Variants in CENPO observed in about 807,000 individuals in gnomAD.
CENPO encodes centromere protein O.
In CENPO, 30 loss-of-function variants were observed where a neutral mutation model predicts 36.1. The observed-to-expected ratio is 0.83, with a 90% CI of 0.62 to 1.13. The LOEUF (loss-of-function observed/expected upper bound fraction) is 1.13, where lower values mean the gene tolerates loss of function less well. Among genes scored for constraint, CENPO ranks in the 50% most tolerant of loss-of-function variants. The pLI is 0.00. For synonymous variants in CENPO, 171 were observed against 142.3 expected (o/e 1.20, Z -1.44); for missense variants, 349 against 357.8 (o/e 0.98, Z 0.20).
chr2:24,814,036 AC>A (rs1558379801), intron 3 of CENPO, among the ~76,000 whole-genome samples: 1 of 152,192 alleles, frequency 6.6e-6, no homozygotes, highest in Non-Finnish European at 1.5e-5. Context: ...AGCACAACTT[AC>A]CCAGCCTTGC....
intron 3 of CENPO, among the ~76,000 whole-genome samples, chr2:24,803,500 A>G (rs112527265): frequency 0.13 from 19,874 of 151,958 alleles, 1,370 homozygotes; most frequent in East Asian, 0.21. Flanking sequence ...ACTGCTTTGA[A>G]TGTGTCCCAA....
chr2:24,816,916 C>CT, intron 6 of CENPO, 99 bp downstream of exon 6: 1 of 1,174,756 alleles, frequency 8.5e-7, no homozygotes, highest in South Asian at 1.6e-5. Context: ...TCTTGAGACA[C>CT]TTTCTCTGTT....
chr2:24,817,766 C>T lies in CENPO; in HGVS notation c.863C>T (p.Thr288Ile), dbSNP rs1667026924. 5.0e-6 allele frequency: 8 copies of T among 1,614,044 alleles called. No individual in the cohort carries two copies. Among genetic ancestry groups the T allele is most frequent in the African/African-American group, 4.0e-5 (3 of 74,908 alleles). ...TTGCATCAAGTGTTTGCCTCATTTA[C>T]AAGAAAAGGAGAAAAGTTGGATATG... is the stretch of plus-strand genomic sequence containing the variant. ...KPLHQVFASF[T>I]RKGEKLDMSL... Residue 288 changes from threonine to isoleucine, a missense_variant, in exon 7 of 8, where the codon ACA becomes ATA. Transcript: ENST00000380834.
In CENPO at chr2:24,793,485, T is replaced by C; in HGVS notation, c.-85T>C. 1 of 1,602,496 alleles carries C rather than the reference T, an allele frequency of 6.2e-7. No homozygotes were observed. Among genetic ancestry groups the C allele is most frequent in the Non-Finnish European group, 8.5e-7 (1 of 1,174,178 alleles). ...TTTTGAAGACGTGGATGGCGGGAAT[T>C]CTCGCTTCTGGCCTGGGTGAGCTAG... On this transcript the variant is annotated 5_prime_UTR_variant, in exon 1 of 8. Coordinates refer to ENST00000380834, the MANE Select transcript of CENPO (RefSeq NM_001322101.2).
intron 3 of CENPO, 45 bp from the exon 4 acceptor site, chr2:24,814,331 A>G: frequency 1.1e-6 from 1 of 914,968 alleles, no homozygotes; most frequent in Non-Finnish European, 1.8e-6. Flanking sequence ...GGGATGTTGT[A>G]GTGTACCTCT....
chr2:24,816,628 G>A lies in CENPO; in HGVS notation c.595-18G>A, dbSNP rs1437775701. Reference sequence around the variant, plus strand: ...CTGCAGTCATCCTCTACTTCGTTTTGTTCCTCACCCCTCTTAGAGTGACTT... The same window carrying A: ...CTGCAGTCATCCTCTACTTCGTTTTATTCCTCACCCCTCTTAGAGTGACTT... On this transcript the variant is annotated intron_variant, in intron 5 of 7. Transcript: ENST00000380834. 4 of 1,573,350 alleles carry A rather than the reference G, an allele frequency of 2.5e-6. No homozygotes were observed. The highest frequency in any genetic ancestry group is 3.4e-6 in the Non-Finnish European group (4 of 1,161,478).
chr2:24,820,675 T>C lies in CENPO; in HGVS notation c.*1357T>C. On this transcript the variant is annotated 3_prime_UTR_variant, in exon 8 of 8. Coordinates refer to ENST00000380834, the MANE Select transcript of CENPO (RefSeq NM_001322101.2). ...ACGTGGGAAAGCACTGTTCCGGTTT[T>C]GTTCTCATGCCGAGTCTGAGCACGT... 6.2e-7 allele frequency: 1 copy of C among 1,610,608 alleles called. No individual in the cohort carries two copies. Among genetic ancestry groups the C allele is most frequent in the East Asian group, 2.2e-5 (1 of 44,830 alleles).
At chr2:24,805,112 T>A (rs1399765440) in intron 3 of CENPO, among the ~76,000 whole-genome samples, 1 of 152,178 alleles carries the variant, frequency 6.6e-6, no homozygotes, top group Admixed American at 6.5e-5. Flanking sequence ...TTCCAGTTGA[T>A]CGAATCGGCT....
At position 24,821,466 on chromosome 2, in the gene CENPO, C is replaced by T. The variant is rs746291134; in HGVS notation, c.*2148C>T. The T allele has an allele frequency of 6.2e-7, 1 of 1,603,796 alleles. No homozygotes were observed. The highest frequency in any genetic ancestry group is 8.5e-7 in the Non-Finnish European group (1 of 1,173,958). ...GTCTCTCCTGGTGGTGGGCCAGGCCCCTGCATGGGAAGGGAGCCTGCTGCG... is the reference window on the plus strand; with the variant it reads ...GTCTCTCCTGGTGGTGGGCCAGGCCTCTGCATGGGAAGGGAGCCTGCTGCG... On this transcript the variant is annotated 3_prime_UTR_variant, in exon 8 of 8. Transcript: ENST00000380834.
chr2:24,817,218 C>T lies in CENPO; in HGVS notation c.766+401C>T, dbSNP rs1269854723. Among the ~76,000 whole-genome samples the T allele has an allele frequency of 2.6e-5, 4 of 152,158 alleles. No individual in the cohort carries two copies. In the South Asian group the frequency reaches 8.3e-4, roughly 31 times the overall value. On this transcript the variant is annotated intron_variant, in intron 6 of 7. Transcript: ENST00000380834. ...GACACGTCAGCACACACTTACTCCT[C>T]CCTACGGAGCAGTCTCTAAATGGAA... is the stretch of plus-strand genomic sequence containing the variant.
intron 3 of CENPO, among the ~76,000 whole-genome samples, chr2:24,800,280 A>G (rs1666103729): frequency 6.6e-6 from 1 of 152,258 alleles, no homozygotes; most frequent in Admixed American, 6.5e-5. Flanking sequence ...CTCCGTCTCA[A>G]AAAAACAAAA....
chr2:24,796,815 A>G (rs769357650), intron 2 of CENPO, among the ~76,000 whole-genome samples: 14 of 151,806 alleles, frequency 9.2e-5, no homozygotes, highest in Non-Finnish European at 1.6e-4. Flanking sequence ...GTGAAGGTGG[A>G]TAAGGGGCGG....
intron 3 of CENPO, among the ~76,000 whole-genome samples, chr2:24,801,354 G>A (rs915735697): frequency 6.6e-6 from 1 of 152,050 alleles, no homozygotes. Flanking sequence ...TGTCAATTTT[G>A]GCTTTTGTTG....
At chr2:24,801,288 T>G (rs1382892702) in intron 3 of CENPO, among the ~76,000 whole-genome samples, 1 of 152,240 alleles carries the variant, frequency 6.6e-6, no homozygotes, top group Non-Finnish European at 1.5e-5. Flanking sequence ...GCCTGTTCAC[T>G]CTGATGGTAG....
rs1665766349 is a variant in CENPO, at chr2:24,794,028, G to A, written c.46+63G>A. 3 of 1,302,384 alleles carry A rather than the reference G, an allele frequency of 2.3e-6. No individual in the cohort carries two copies. The Admixed American group carries it at 5.0e-5, about 22-fold the overall frequency. The allele number at this position is 1,302,384 out of a possible 1,614,324, so 80.7% of individuals were successfully genotyped here. On this transcript the variant is annotated intron_variant, in intron 2 of 7. Transcript: ENST00000380834. Reference sequence around the variant, plus strand: ...CAAAGATGACCCGCAGGCTGAGAGAGCCCTTTCCTCCTGGAACTGACGTGG... The same window carrying A: ...CAAAGATGACCCGCAGGCTGAGAGAACCCTTTCCTCCTGGAACTGACGTGG...
intron 3 of CENPO, among the ~76,000 whole-genome samples, chr2:24,800,840 C>G (rs1371974238): frequency 6.6e-6 from 1 of 151,994 alleles, no homozygotes; most frequent in East Asian, 1.9e-4. Flanking sequence ...GGATATATAC[C>G]CAGTAATGGG....
intron 3 of CENPO, among the ~76,000 whole-genome samples, chr2:24,812,397 A>AT (rs898083813): frequency 3.1e-4 from 46 of 146,378 alleles, no homozygotes; most frequent in South Asian, 8.6e-4. Context: ...GCTAAGCATG[A>AT]TTTTTTTTTT....
Position 24,820,342 on chromosome 2 carries a change from C to T in CENPO, c.*1024C>T. 7.5e-7 allele frequency: 1 copy of T among 1,337,514 alleles called. No homozygotes were observed. The highest frequency in any genetic ancestry group is 9.5e-7 in the Non-Finnish European group (1 of 1,049,114). The allele number at this position is 1,337,514 out of a possible 1,614,324, so 82.9% of individuals were successfully genotyped here. A position where few individuals can be genotyped will look rare whatever the true frequency, so the allele number is the denominator to read the frequency against. Reference sequence around the variant, plus strand: ...GGCCTCCTCTCATCCAGAGACTTCTCTCCTAGGATGGCCATGGTCACCTGG... The same window carrying T: ...GGCCTCCTCTCATCCAGAGACTTCTTTCCTAGGATGGCCATGGTCACCTGG... On this transcript the variant is annotated 3_prime_UTR_variant, in exon 8 of 8. Transcript: ENST00000380834.
intron 2 of CENPO, among the ~76,000 whole-genome samples, chr2:24,797,563 C>T (rs1665960794): frequency 6.6e-6 from 1 of 152,118 alleles, no homozygotes; most frequent in South Asian, 2.1e-4. Context: ...AGAGTAGGAG[C>T]CTTCAAAGCA....
Sources: allele counts gnomAD v4.1 joint callset (sites outside exome capture counted in the v4.1 genomes callset), GRCh38; gene constraint gnomAD v4.1.1; transcripts MANE v1.5; gene names NCBI Gene and HGNC (gene_info 2026-07-23, HGNC 2026-07-21).